Variants in LRP1B observed in about 807,000 individuals in gnomAD.
LRP1B encodes the protein LDL receptor related protein 1B.
A neutral mutation model predicts 556.6 loss-of-function variants in LRP1B; 217 were observed. The ratio of observed to expected loss-of-function variants is 0.39; its 90% CI spans 0.35 to 0.44. The LOEUF (loss-of-function observed/expected upper bound fraction) is 0.44. LRP1B is among the 20% of genes least tolerant of loss of function. The pLI is 1.00. For missense variants in LRP1B, 5,053 were observed against 5,620.8 expected, an observed-to-expected ratio of 0.90 and a Z score of 3.23; for synonymous variants, 2,047 against 1,865.8, an observed-to-expected ratio of 1.10 and a Z score of -2.50.
At chr2:142,080,499 G>C (rs188725452) in intron 1 of LRP1B, among the ~76,000 whole-genome samples, 1 of 151,946 alleles carries the variant, frequency 6.6e-6, no homozygotes, top group East Asian at 1.9e-4. Context: ...ATTAAGAAAT[G>C]GAAGTAGCAC....
At chr2:141,712,956 G>T (rs527493181) in intron 2 of LRP1B, among the ~76,000 whole-genome samples, 1 of 151,344 alleles carries the variant, frequency 6.6e-6, no homozygotes, top group African/African-American at 2.4e-5. Flanking sequence ...GGGATTACAG[G>T]TGTGAGCCAC....
At chr2:142,010,735 A>G (rs142749710) in intron 1 of LRP1B, among the ~76,000 whole-genome samples, 1 of 152,166 alleles carries the variant, frequency 6.6e-6, no homozygotes, top group Non-Finnish European at 1.5e-5. Context: ...ACATTAACCA[A>G]CATAACCTTT....
Position 142,130,672 on chromosome 2 carries a change from C to A in LRP1B, c.58G>T (p.Val20Leu). 4 of 1,613,538 alleles carry A rather than the reference C, an allele frequency of 2.5e-6. 1 individual carries two copies. In the South Asian group the frequency reaches 3.3e-5, roughly 13 times the overall value. ...CCTCGGTCGGCTCCCACGGTCAGCA[C>A]CCTGGCAATCGGCAATAATCCCGAG... ...TLSGLLPIAR[V>L]LTVGADRDQQ... The change falls in exon 1 of 91, where the codon GTG becomes TTG. Residue 20 changes from valine to leucine, a missense_variant. This residue lies in a region of LRP1B where 3,619 missense variants were observed against 3,931.9 expected (regional missense o/e 0.92). Transcript: ENST00000389484.
At chr2:141,584,776 A>G (rs1687078031) in intron 2 of LRP1B, among the ~76,000 whole-genome samples, 1 of 152,218 alleles carries the variant, frequency 6.6e-6, no homozygotes, top group African/African-American at 2.4e-5. Context: ...GTTAAGTGAA[A>G]TAAGCCAGTC....
chr2:141,713,858 T>C (rs572349406), intron 2 of LRP1B, among the ~76,000 whole-genome samples: 70 of 152,314 alleles, frequency 4.6e-4, no homozygotes, highest in African/African-American at 1.6e-3. Context: ...GATCAATTAA[T>C]GGATCATTCT....
At chr2:140,712,188 G>T (rs1687053466) in intron 37 of LRP1B, among the ~76,000 whole-genome samples, 1 of 152,052 alleles carries the variant, frequency 6.6e-6, no homozygotes, top group Non-Finnish European at 1.5e-5. Flanking sequence ...TCCCGGAGTG[G>T]TCCTTATCCA....
chr2:140,535,243 A>T (rs1690897911), intron 46 of LRP1B, among the ~76,000 whole-genome samples: 1 of 152,214 alleles, frequency 6.6e-6, no homozygotes, highest in African/African-American at 2.4e-5. Context: ...CAAAGATAAA[A>T]ATAACATGAA....
chr2:141,183,606 C>T (rs910525364), intron 7 of LRP1B, among the ~76,000 whole-genome samples: 1 of 152,000 alleles, frequency 6.6e-6, no homozygotes, highest in Non-Finnish European at 1.5e-5. Context: ...GTGATGGGTT[C>T]ACAAATAAAT....
chr2:141,653,707 C>T (rs1304187084), intron 2 of LRP1B, among the ~76,000 whole-genome samples: 1 of 152,132 alleles, frequency 6.6e-6, no homozygotes, highest in Non-Finnish European at 1.5e-5. Flanking sequence ...GTGTATTACA[C>T]TCAGATGGCG....
rs77712254 is a variant in LRP1B, at chr2:142,009,718, T to C, written c.82+120930A>G. On this transcript the variant is annotated intron_variant, in intron 1 of 90. Coordinates refer to ENST00000389484, the MANE Select transcript of LRP1B (RefSeq NM_018557.3). ...TATGCTGCATATATGTCTAAGTTCA[T>C]ATATATGTGTATGCATGCATGTGTA... Among the ~76,000 whole-genome samples the C allele has an allele frequency of 2.6e-5, 4 of 152,308 alleles. No homozygotes were observed. The East Asian group carries it at 7.7e-4, about 29-fold the overall frequency.
intron 86 of LRP1B, among the ~76,000 whole-genome samples, chr2:140,264,485 C>T (rs544186325): frequency 1.2e-3 from 182 of 152,204 alleles, no homozygotes; most frequent in African/African-American, 4.1e-3. Flanking sequence ...AACTACTAAC[C>T]TCAAGTGATC....
At chr2:141,147,753 G>A (rs1014934480) in intron 7 of LRP1B, among the ~76,000 whole-genome samples, 2 of 152,166 alleles carry the variant, frequency 1.3e-5, no homozygotes, top group Non-Finnish European at 2.9e-5. Flanking sequence ...AGCAAATGGA[G>A]ATAATATTTT....
intron 35 of LRP1B, among the ~76,000 whole-genome samples, chr2:140,759,104 C>G (rs1688834502): frequency 1.3e-5 from 2 of 152,044 alleles, no homozygotes; most frequent in Non-Finnish European, 2.9e-5. Context: ...ATTTTTTGCT[C>G]AAACTATTCA....
Position 141,544,375 on chromosome 2 carries a change from T to C in LRP1B, c.206-63842A>G, listed in dbSNP as rs917033933. ...TTCTTCTTCTTCTTCTTCTTCTTCT[T>C]CTTCTTCTCCTCCTCCTCCTCCTCC... On this transcript the variant is annotated intron_variant, in intron 2 of 90. Transcript: ENST00000389484. Among the ~76,000 whole-genome samples the C allele has an allele frequency of 1.7e-3, 194 of 115,328 alleles. 4 individuals are homozygous for C. The highest frequency in any genetic ancestry group is 5.5e-3 in the African/African-American group (181 of 33,202). 75.7% of individuals were successfully genotyped at this position (115,328 alleles called of 152,430 possible).
intron 1 of LRP1B, among the ~76,000 whole-genome samples, chr2:141,973,632 G>C (rs1481119063): frequency 4.6e-5 from 7 of 151,754 alleles, no homozygotes; most frequent in African/African-American, 1.7e-4. Context: ...TCATCTTATA[G>C]CTTGATTCTT....
At chr2:141,944,172 A>G (rs574513801) in intron 1 of LRP1B, among the ~76,000 whole-genome samples, 1 of 152,278 alleles carries the variant, frequency 6.6e-6, no homozygotes, top group South Asian at 2.1e-4. Context: ...GGAGACGTTC[A>G]TCCCAGCTGG....
Position 142,130,850 on chromosome 2 carries a change from T to C in LRP1B, c.-121A>G, listed in dbSNP as rs1432778168. On this transcript the variant is annotated 5_prime_UTR_variant, in exon 1 of 91. Transcript: ENST00000389484. ...AATCGAGCGGCGTCATTTACAAATG[T>C]CACTGGAAATTCTTCAGCTCAATGA... The C allele has an allele frequency of 1.3e-6, 1 of 775,720 alleles. No homozygotes were observed. The highest frequency in any genetic ancestry group is 2.2e-6 in the Non-Finnish European group (1 of 446,846). 48.1% of individuals were successfully genotyped at this position (775,720 alleles called of 1,614,324 possible).
At position 141,459,497 on chromosome 2, in the gene LRP1B, A is replaced by G. The variant is rs555400521; in HGVS notation, c.343+20899T>C. 1.7e-4 allele frequency among the ~76,000 whole-genome samples: 26 copies of G among 152,114 alleles called. No individual in the cohort carries two copies. The East Asian group carries it at 5.0e-3, about 29-fold the overall frequency. Reference sequence around the variant, plus strand: ...CACTGCAATTTCTTTAGAGTTGGAGAAGGAAGCAAGGTGATATGGTTTGGC... The same window carrying G: ...CACTGCAATTTCTTTAGAGTTGGAGGAGGAAGCAAGGTGATATGGTTTGGC... On this transcript the variant is annotated intron_variant, in intron 3 of 90. Coordinates refer to ENST00000389484, the MANE Select transcript of LRP1B (RefSeq NM_018557.3).
chr2:141,508,328 G>C (rs1684006782), intron 2 of LRP1B, among the ~76,000 whole-genome samples: 1 of 152,020 alleles, frequency 6.6e-6, no homozygotes, highest in African/African-American at 2.4e-5. Context: ...TCATCAGAAG[G>C]GTAACAGCCA....
Sources: gnomAD v4.1 joint callset for allele counts (sites outside exome capture counted in the v4.1 genomes callset) on GRCh38, gnomAD v4.1.1 for gene constraint, gnomAD v4.1.1 regional missense constraint, MANE v1.5 for transcripts, NCBI Gene and HGNC (gene_info 2026-07-23, HGNC 2026-07-21) for gene names.